TUBGCP2: variants seen among roughly 807,000 people sequenced by gnomAD.
TUBGCP2 encodes gamma-tubulin complex component 2.
A neutral mutation model predicts 92.2 loss-of-function variants in TUBGCP2; 55 were observed. The observed-to-expected ratio is 0.60, with a 90% CI of 0.48 to 0.75. TUBGCP2 has a LOEUF of 0.75. Among genes scored for constraint, TUBGCP2 ranks in the 30% least tolerant of loss-of-function variants. The probability of loss-of-function intolerance (pLI) is 0.00; values close to 1 mark genes in which losing one functional copy is unlikely to be tolerated. For missense variants in TUBGCP2, 1,093 were observed against 1,188.9 expected, an observed-to-expected ratio of 0.92 and a Z score of 1.19; for synonymous variants, 533 against 505.2, an observed-to-expected ratio of 1.06 and a Z score of -0.74.
At chr10:133,298,317 G>A (rs1847540036) in intron 4 of TUBGCP2, among the ~76,000 whole-genome samples, 3 of 152,196 alleles carry the variant, frequency 2.0e-5, no homozygotes. Flanking sequence ...GGGCAGATGG[G>A]GAGCCCTAGC....
At chr10:133,304,745 T>C (rs746019454) in intron 1 of TUBGCP2, among the ~76,000 whole-genome samples, 11 of 152,240 alleles carry the variant, frequency 7.2e-5, no homozygotes, top group Admixed American at 2.6e-4. Flanking sequence ...TAGCAATTAC[T>C]CTTTATTCCA....
rs150448338 is a variant in TUBGCP2 at position 133,288,896 on chromosome 10, G to A, written c.1485C>T (p.Ala495=). The change falls in exon 10 of 18, where the codon GCC becomes GCT. Residue 495 remains alanine (A), a synonymous_variant. Coordinates refer to ENST00000252936, the MANE Select transcript of TUBGCP2 (RefSeq NM_006659.4). ...TCAGGAAGTCCAGCAGCACCTTGCT[G>A]GCGTAGTTAAACGCCTTCTCGATCT... is the stretch of plus-strand genomic sequence containing the variant. ...VEQIEKAFNY[A]SKVLLDFLME... 6.2e-6 allele frequency: 10 copies of A among 1,614,012 alleles called. No homozygotes were observed. In the East Asian group the frequency reaches 2.0e-4, roughly 32 times the overall value.
At chr10:133,290,346 A>G (rs891595397) in intron 8 of TUBGCP2, 2 of 188,614 alleles carry the variant, frequency 1.1e-5, no homozygotes, top group Admixed American at 1.1e-4. Context: ...ACAAAAAATC[A>G]GCTGGGCGTG....
intron 1 of TUBGCP2, among the ~76,000 whole-genome samples, chr10:133,305,674 C>A (rs890226111): frequency 1.3e-5 from 2 of 152,136 alleles, no homozygotes; most frequent in Non-Finnish European, 2.9e-5. Flanking sequence ...GGACTCGACA[C>A]CGAGATTCTA....
At chr10:133,306,362 T>A (rs2136143904) in intron 1 of TUBGCP2, among the ~76,000 whole-genome samples, 1 of 152,304 alleles carries the variant, frequency 6.6e-6, no homozygotes, top group Non-Finnish European at 1.5e-5. Flanking sequence ...GTCCTATAAC[T>A]GCTGGTCTGA....
chr10:133,310,241 C>T (rs746532392), upstream of TUBGCP2: 4 of 1,614,060 alleles, frequency 2.5e-6, no homozygotes, highest in Non-Finnish European at 2.5e-6. Flanking sequence ...TGAGGATGCA[C>T]CTGTACCCCG....
At chr10:133,296,199 A>G (rs192844269) in intron 5 of TUBGCP2, among the ~76,000 whole-genome samples, 20 of 152,154 alleles carry the variant, frequency 1.3e-4, no homozygotes, top group African/African-American at 4.8e-4. Flanking sequence ...TCTTTTGTAC[A>G]ACCCCTTCCC....
chr10:133,297,896 G>GT, intron 5 of TUBGCP2, 56 bp downstream of exon 5: 1 of 1,592,688 alleles, frequency 6.3e-7, no homozygotes, highest in South Asian at 1.1e-5. Context: ...GCAGAGCCCG[G>GT]AAATCAACGC....
intron 11 of TUBGCP2, among the ~76,000 whole-genome samples, 162 bp downstream of exon 11, chr10:133,287,967 C>A (rs1420040674): frequency 6.6e-6 from 1 of 152,208 alleles, no homozygotes; most frequent in African/African-American, 2.4e-5. Context: ...CAAAGACCCC[C>A]GATCCCGGCA....
At chr10:133,282,123 G>A in intron 16 of TUBGCP2, 100 bp downstream of exon 16, 2 of 1,562,974 alleles carry the variant, frequency 1.3e-6, no homozygotes, top group Non-Finnish European at 1.7e-6. Context: ...GGAGATGGAA[G>A]TAAAAGGGGG....
At chr10:133,310,806 CT>C (rs1325729212), upstream of TUBGCP2, among the ~76,000 whole-genome samples, 262 of 145,572 alleles carry the variant, frequency 1.8e-3, no homozygotes, top group Non-Finnish European at 1.9e-3. Flanking sequence ...CAGGAACAAT[CT>C]TTTTTTTTTT....
intron 9 of TUBGCP2, among the ~76,000 whole-genome samples, chr10:133,289,244 G>A (rs957799026): frequency 6.6e-6 from 1 of 152,212 alleles, no homozygotes; most frequent in South Asian, 2.1e-4. Flanking sequence ...CACTGTCAGC[G>A]GCTACAGACT....
upstream of TUBGCP2, chr10:133,311,707 T>C (rs1356070799): frequency 3.1e-6 from 5 of 1,610,308 alleles, no homozygotes; most frequent in East Asian, 8.9e-5. Flanking sequence ...CACTGCTCTC[T>C]CCCCGCAGCC....
chr10:133,287,157 A>C lies in TUBGCP2; in HGVS notation c.1722+972T>G, dbSNP rs141787087. On this transcript the variant is annotated intron_variant, in intron 11 of 17. Coordinates refer to ENST00000252936, the MANE Select transcript of TUBGCP2 (RefSeq NM_006659.4). ...ACAGAAATAAAAAGCAGATACTAGA[A>C]ACCCATGAACTGTGCACCAGACAAG... 3.4e-3 allele frequency among the ~76,000 whole-genome samples: 519 copies of C among 152,356 alleles called. 2 individuals carry two copies. The highest frequency in any genetic ancestry group is 0.011 in the African/African-American group (453 of 41,574).
upstream of TUBGCP2, chr10:133,310,155 C>T (rs759362977): frequency 8.7e-6 from 14 of 1,613,592 alleles, no homozygotes; most frequent in Admixed American, 5.0e-5. Context: ...GACACGGTCT[C>T]CATTTCAGTA....
intron 1 of TUBGCP2, among the ~76,000 whole-genome samples, chr10:133,305,213 G>A (rs182976285): frequency 6.6e-6 from 1 of 152,306 alleles, no homozygotes; most frequent in African/African-American, 2.4e-5. Context: ...CTAGATAGCA[G>A]TAGCAAAATT....
intron 2 of TUBGCP2, chr10:133,302,245 T>C (rs1400100124): frequency 6.1e-6 from 1 of 164,984 alleles, no homozygotes; most frequent in Admixed American, 5.9e-5. Flanking sequence ...GCCGGTACCA[T>C]TGAGGCCACC....
At chr10:133,312,146 C>T (rs1391900873), upstream of TUBGCP2, 7 of 1,435,374 alleles carry the variant, frequency 4.9e-6, no homozygotes, top group East Asian at 2.5e-5. Context: ...ACAACCCAGG[C>T]GTCTGCCTTA....
Position 133,285,053 on chromosome 10 carries a change from G to C in TUBGCP2, c.2024+32C>G. 2 of 1,577,142 alleles carry C rather than the reference G, an allele frequency of 1.3e-6. No individual in the cohort carries two copies. The highest frequency in any genetic ancestry group is 1.7e-6 in the Non-Finnish European group (2 of 1,157,906). On this transcript the variant is annotated intron_variant, in intron 13 of 17. Coordinates refer to ENST00000252936, the MANE Select transcript of TUBGCP2 (RefSeq NM_006659.4). The surrounding 1 kb of genome is among the most constrained non-coding windows in gnomAD (Gnocchi z 6.8). ...GCAGAGTGCAGCGAGCGCTGCTTCA[G>C]GAGGGCATGCGGGGGCAGAGGAAGA...
Sources: gnomAD v4.1 joint callset for allele counts (sites outside exome capture counted in the v4.1 genomes callset) on GRCh38, gnomAD v4.1.1 for gene constraint, Gnocchi (gnomAD v3.1) non-coding constraint, MANE v1.5 for transcripts, NCBI Gene and HGNC (gene_info 2026-07-23, HGNC 2026-07-21) for gene names.